Variants in TTC6 observed in about 807,000 individuals in gnomAD.
TTC6 encodes tetratricopeptide repeat domain 6.
In TTC6, 172 loss-of-function variants were observed where a neutral mutation model predicts 210.4. The ratio of observed to expected loss-of-function variants is 0.82; its 90% CI spans 0.72 to 0.93. The LOEUF is 0.93. Among genes scored for constraint, TTC6 ranks in the 40% least tolerant of loss-of-function variants. TTC6 has a pLI of 0.00. For missense variants in TTC6, 2,414 were observed against 2,318.1 expected (o/e 1.04, Z -0.85); for synonymous variants, 804 against 819.6 (o/e 0.98, Z 0.32).
chr14:37,649,125 G>T (rs1200598951), intron 1 of TTC6, among the ~76,000 whole-genome samples: 1 of 152,070 alleles, frequency 6.6e-6, no homozygotes, highest in African/African-American at 2.4e-5. Flanking sequence ...GTCCACACAG[G>T]TCCCTTCTAA....
intron 1 of TTC6, among the ~76,000 whole-genome samples, chr14:37,642,153 A>AC (rs1236800941): frequency 6.6e-6 from 1 of 152,084 alleles, no homozygotes; most frequent in Non-Finnish European, 1.5e-5. Context: ...GGACCATTAC[A>AC]CTTTCCTGTG....
intron 15 of TTC6, among the ~76,000 whole-genome samples, chr14:37,788,323 C>G (rs1259070926): frequency 6.6e-6 from 1 of 152,084 alleles, no homozygotes; most frequent in East Asian, 1.9e-4. Flanking sequence ...CTGAGTCTAA[C>G]ACTCCAGATA....
At chr14:37,764,053 C>G (rs1426485681) in intron 14 of TTC6, among the ~76,000 whole-genome samples, 1 of 152,010 alleles carries the variant, frequency 6.6e-6, no homozygotes, top group Non-Finnish European at 1.5e-5. Context: ...TTTGACCTAT[C>G]TGCCATTTAA....
At chr14:37,771,795 C>T (rs1429285663) in intron 14 of TTC6, among the ~76,000 whole-genome samples, 1 of 152,190 alleles carries the variant, frequency 6.6e-6, no homozygotes, top group Non-Finnish European at 1.5e-5. Flanking sequence ...AAGCCTTCTT[C>T]TCTCAGCTCG....
chr14:37,826,364 A>T lies in TTC6; in HGVS notation c.5127+17A>T. 1 of 1,572,816 alleles carries T rather than the reference A, an allele frequency of 6.4e-7. No individual in the cohort carries two copies. Among genetic ancestry groups the T allele is most frequent in the South Asian group, 1.2e-5 (1 of 84,366 alleles). ...GCCATGAAGGTAAAAACCATCTTAG[A>T]TTATATTATTATTAGCATAAATTAA... On this transcript the variant is annotated intron_variant, in intron 28 of 30. Transcript: ENST00000553443.
intron 14 of TTC6, among the ~76,000 whole-genome samples, chr14:37,763,265 G>C (rs1405055626): frequency 1.3e-5 from 2 of 152,058 alleles, no homozygotes; most frequent in African/African-American, 4.8e-5. Flanking sequence ...ATATTGGTAA[G>C]GGACATTGGT....
chr14:37,674,344 A>G (rs2095764361), intron 1 of TTC6, among the ~76,000 whole-genome samples: 1 of 152,112 alleles, frequency 6.6e-6, no homozygotes, highest in South Asian at 2.1e-4. Context: ...TTCATTTCTT[A>G]TAATTATGTT....
At chr14:37,663,075 T>G (rs865885325) in intron 1 of TTC6, among the ~76,000 whole-genome samples, 1 of 152,154 alleles carries the variant, frequency 6.6e-6, no homozygotes, top group African/African-American at 2.4e-5. Context: ...TTGAGCAATG[T>G]TTTGTAATTC....
At chr14:37,633,957 C>A (rs746073264) in intron 1 of TTC6, among the ~76,000 whole-genome samples, 2 of 152,124 alleles carry the variant, frequency 1.3e-5, no homozygotes, top group Non-Finnish European at 2.9e-5. Context: ...TGCCTCCCTG[C>A]GCTGCCTCTT....
At chr14:37,744,475 A>G (rs2095930036) in intron 10 of TTC6, among the ~76,000 whole-genome samples, 1 of 152,182 alleles carries the variant, frequency 6.6e-6, no homozygotes, top group Non-Finnish European at 1.5e-5. Context: ...GAATATCTGA[A>G]GTGGTCATAA....
intron 1 of TTC6, among the ~76,000 whole-genome samples, chr14:37,673,657 A>C (rs1566879133): frequency 6.6e-6 from 1 of 152,092 alleles, no homozygotes; most frequent in Non-Finnish European, 1.5e-5. Flanking sequence ...CAAGCAGTGT[A>C]GGGGAAAGAC....
At chr14:37,734,247 TC>T (rs2095895480) in intron 7 of TTC6, among the ~76,000 whole-genome samples, 1 of 152,158 alleles carries the variant, frequency 6.6e-6, no homozygotes, top group African/African-American at 2.4e-5. Context: ...GTTGATTCCT[TC>T]CACCCACTTT....
At chr14:37,745,290 C>T (rs965998423) in intron 10 of TTC6, among the ~76,000 whole-genome samples, 1 of 152,158 alleles carries the variant, frequency 6.6e-6, no homozygotes, top group Non-Finnish European at 1.5e-5. Flanking sequence ...AATTTATAGT[C>T]ACTTTCTACA....
At chr14:37,815,885 A>T (rs939474780) in intron 25 of TTC6, among the ~76,000 whole-genome samples, 1 of 152,160 alleles carries the variant, frequency 6.6e-6, no homozygotes, top group Non-Finnish European at 1.5e-5. Context: ...GTAGTATAAT[A>T]ATGATTATAT....
chr14:37,727,544 T>C lies in TTC6; in HGVS notation c.1818+2542T>C, dbSNP rs559739384. On this transcript the variant is annotated intron_variant, in intron 7 of 30. Coordinates refer to ENST00000553443, the Ensembl canonical transcript of TTC6. ...TCCTGACCTTGTGATCCGCCCGCCT[T>C]GGCCTCCCAAAGTTCTGGGATTACA... Among the ~76,000 whole-genome samples, 34 of 21,274 alleles carry C rather than the reference T, an allele frequency of 1.6e-3. 1 individual carries two copies. The South Asian group carries it at 0.072, about 45-fold the overall frequency. The allele number at this position is 21,274 out of a possible 152,430, so 14.0% of individuals were successfully genotyped here. A position where few individuals can be genotyped will look rare whatever the true frequency, so the allele number is the denominator to read the frequency against.
At chr14:37,703,801 T>C (rs1251471372) in intron 5 of TTC6, among the ~76,000 whole-genome samples, 1 of 152,198 alleles carries the variant, frequency 6.6e-6, no homozygotes, top group Non-Finnish European at 1.5e-5. Context: ...ATATCTTGTA[T>C]TGGCCTTATT....
chr14:37,749,491 A>C, intron 11 of TTC6, 90 bp downstream of exon 13: 1 of 1,299,124 alleles, frequency 7.7e-7, no homozygotes, highest in Non-Finnish European at 9.9e-7. Flanking sequence ...TGAACAATGA[A>C]TGTTTATAGT....
chr14:37,725,005 A>G lies in TTC6; in HGVS notation c.1818+3A>G, dbSNP rs1459852412. 4.8e-6 allele frequency: 7 copies of G among 1,453,612 alleles called. No homozygotes were observed. Among genetic ancestry groups the G allele is most frequent in the East Asian group, 5.0e-5 (2 of 40,034 alleles). 90.0% of individuals were successfully genotyped at this position (1,453,612 alleles called of 1,614,324 possible). A position where few individuals can be genotyped will look rare whatever the true frequency, so the allele number is the denominator to read the frequency against. ...AAACTCTATATCCAAAATATGAGGT[A>G]ACATACCGAATGGGTTTTCTCTATT... On this transcript the variant is annotated splice_donor_region_variant and intron_variant, in intron 7 of 30. Coordinates refer to ENST00000553443, the Ensembl canonical transcript of TTC6.
exon 27 of TTC6, chr14:37,823,813 G>A: frequency 6.2e-7 from 1 of 1,613,972 alleles, no homozygotes; most frequent in Admixed American, 1.7e-5. Flanking sequence ...CATGTTTTCT[G>A]GATGCTTATG....
Sources: gnomAD v4.1 joint callset for allele counts (sites outside exome capture counted in the v4.1 genomes callset) on GRCh38, gnomAD v4.1.1 for gene constraint, MANE v1.5 for transcripts, NCBI Gene and HGNC (gene_info 2026-07-23, HGNC 2026-07-21) for gene names.